DNAH6: variants seen among roughly 807,000 people sequenced by gnomAD.
The protein encoded by DNAH6 is axonemal beta dynein heavy chain 6.
In DNAH6, 340 loss-of-function variants were observed where a neutral mutation model predicts 491.4. The observed-to-expected ratio is 0.69, with a 90% confidence interval of 0.63 to 0.76. The LOEUF is 0.76. Ranked by LOEUF, DNAH6 falls within the 30% of genes least tolerant of loss-of-function variation. The probability of loss-of-function intolerance (pLI) is 0.00; values close to 1 mark genes in which losing one functional copy is unlikely to be tolerated. For missense variants in DNAH6, 4,443 were observed against 4,972.2 expected (o/e 0.89, Z 3.20); for synonymous variants, 1,603 against 1,686.1 (o/e 0.95, Z 1.21).
chr2:84,797,336 A>G (rs1268798624), intron 69 of DNAH6, among the ~76,000 whole-genome samples: 1 of 152,212 alleles, frequency 6.6e-6, no homozygotes. Context: ...TAGGACAGTA[A>G]TGAGATTCTC....
chr2:84,553,053 T>C lies in DNAH6; in HGVS notation c.1602+19T>C. 2.8e-6 allele frequency: 4 copies of C among 1,423,218 alleles called. No individual in the cohort carries two copies. Among genetic ancestry groups the C allele is most frequent in the Non-Finnish European group, 3.9e-6 (4 of 1,026,186 alleles). The allele number at this position is 1,423,218 out of a possible 1,614,324, so 88.2% of individuals were successfully genotyped here. A position where few individuals can be genotyped will look rare whatever the true frequency, so the allele number is the denominator to read the frequency against. ...CTTTCTGGTGTGTGTTTTTCATGTATTATCCACATGCAAGCACCTATTTGG... is the reference window on the plus strand; with the variant it reads ...CTTTCTGGTGTGTGTTTTTCATGTACTATCCACATGCAAGCACCTATTTGG... On this transcript the variant is annotated intron_variant, in intron 10 of 76. Transcript: ENST00000389394.
rs1689284168 is a variant in DNAH6 at position 84,640,476 on chromosome 2, G to T, written c.4868G>T (p.Arg1623Ile). 6.5e-7 allele frequency: 1 copy of T among 1,546,258 alleles called. No homozygotes were observed. Among genetic ancestry groups the T allele is most frequent in the African/African-American group, 1.4e-5 (1 of 72,880 alleles). ...EGFESSKILARKMTQMYKLCS... is the reference protein window; with the variant it reads ...EGFESSKILAIKMTQMYKLCS... ...TTTGAATCCAGTAAAATATTAGCAA[G>T]AAAAATGACTCAGATGTATAAGCTT... Residue 1623 changes from arginine to isoleucine, a missense_variant, in exon 32 of 77, where the codon AGA (arginine) becomes ATA (isoleucine). Coordinates refer to ENST00000389394, the MANE Select transcript of DNAH6 (RefSeq NM_001370.2).
At chr2:84,601,137 C>T (rs1685208151) in intron 18 of DNAH6, among the ~76,000 whole-genome samples, 1 of 147,874 alleles carries the variant, frequency 6.8e-6, no homozygotes, top group Admixed American at 6.6e-5. Context: ...CCTGGAGCAT[C>T]TTGAGGTGCT....
At chr2:84,595,945 C>T (rs1013576236) in intron 18 of DNAH6, among the ~76,000 whole-genome samples, 156 bp downstream of exon 18, 1 of 152,190 alleles carries the variant, frequency 6.6e-6, no homozygotes, top group Non-Finnish European at 1.5e-5. Flanking sequence ...GTGGCACAGA[C>T]TGCATTCCTG....
Position 84,599,179 on chromosome 2 carries a change from C to T in DNAH6, c.2868+3390C>T, listed in dbSNP as rs1453572634. 2.6e-5 allele frequency among the ~76,000 whole-genome samples: 4 copies of T among 151,918 alleles called. No individual in the cohort carries two copies. The East Asian group carries it at 7.7e-4, about 29-fold the overall frequency. Reference sequence around the variant, plus strand: ...TGCCCATTTTTAATTGGGTTGTTTGCTTGGTTATAATTGAGTTTTAAGAGT... The same window carrying T: ...TGCCCATTTTTAATTGGGTTGTTTGTTTGGTTATAATTGAGTTTTAAGAGT... On this transcript the variant is annotated intron_variant, in intron 18 of 76. Transcript: ENST00000389394.
chr2:84,493,008 A>G, the DNAH6 span, among the ~76,000 whole-genome samples: 5 of 151,994 alleles, frequency 3.3e-5, no homozygotes, highest in Non-Finnish European at 7.4e-5. Context: ...TATATTCTAT[A>G]TATTTTTCTA....
chr2:84,470,188 A>G, the DNAH6 span, among the ~76,000 whole-genome samples: 1 of 152,032 alleles, frequency 6.6e-6, no homozygotes, highest in Non-Finnish European at 1.5e-5. Flanking sequence ...CACTTACCCA[A>G]AGGTAGCCAT....
chr2:84,596,821 A>C (rs1426076545), intron 18 of DNAH6, among the ~76,000 whole-genome samples: 1 of 152,182 alleles, frequency 6.6e-6, no homozygotes, highest in Non-Finnish European at 1.5e-5. Flanking sequence ...TGTTTAGGTC[A>C]GCTTCTTTCT....
chr2:84,624,483 T>TTTGACTGG lies in DNAH6; in HGVS notation c.4217_4224dup (p.Gln1409LeufsTer13). ...CATATAGGTGGAGACAGTTGAATCT[T>TTTGACTGG]TTGACTGGCAGAGACAACTGCGCTA... On this transcript the variant is annotated frameshift_variant, in exon 28 of 77. Coordinates refer to ENST00000389394, the MANE Select transcript of DNAH6 (RefSeq NM_001370.2). LOFTEE classifies it high-confidence loss of function. The TTTGACTGG allele has an allele frequency of 6.4e-7, 1 of 1,551,934 alleles. No homozygotes were observed. Among genetic ancestry groups the TTTGACTGG allele is most frequent in the Non-Finnish European group, 8.7e-7 (1 of 1,146,998 alleles).
intron 76 of DNAH6, 98 bp from the exon 77 acceptor site, chr2:84,819,207 C>A (rs1680792871): frequency 2.5e-6 from 2 of 786,908 alleles, no homozygotes; most frequent in East Asian, 2.8e-5. Context: ...GCAAGTCAGG[C>A]CTGGAACCCA....
chr2:84,680,106 C>T (rs1335175459), intron 41 of DNAH6, among the ~76,000 whole-genome samples: 1 of 151,962 alleles, frequency 6.6e-6, no homozygotes, highest in African/African-American at 2.4e-5. Flanking sequence ...TGTTGGGGTC[C>T]CAGGAGGGGA....
At chr2:84,566,275 C>CTAGA (rs1343836045) in intron 11 of DNAH6, among the ~76,000 whole-genome samples, 1 of 151,982 alleles carries the variant, frequency 6.6e-6, no homozygotes, top group Non-Finnish European at 1.5e-5. Context: ...TCTCCAAAGA[C>CTAGA]TAGATATTCA....
chr2:84,781,591 G>T lies in DNAH6; in HGVS notation c.10802G>T (p.Cys3601Phe). ...KSGNWVFLQN[C>F]HLAVSWMLAM... ...GGAAACTGGGTATTTTTGCAAAATT[G>T]CCATCTTGCTGTTTCTTGGATGTTG... The change falls in exon 65 of 77, where the codon TGC becomes TTC. Residue 3601 changes from cysteine to phenylalanine, a missense_variant. By Grantham distance (205) the Cys-to-Phe change is radical. Transcript: ENST00000389394. 6.4e-7 allele frequency: 1 copy of T among 1,551,774 alleles called. No homozygotes were observed. The highest frequency in any genetic ancestry group is 8.7e-7 in the Non-Finnish European group (1 of 1,146,922).
chr2:84,686,681 A>G, intron 44 of DNAH6, 124 bp downstream of exon 44: 1 of 602,534 alleles, frequency 1.7e-6, no homozygotes, highest in Non-Finnish European at 2.8e-6. Flanking sequence ...GCCAGATGTC[A>G]GCAAACTATG....
chr2:84,688,582 A>G lies in DNAH6; in HGVS notation c.7281A>G (p.Glu2427=). Reference sequence around the variant, plus strand: ...TGGTGTTCTTCCAGGATGCTATAGAACATGTTTCAAGGTATAGTGCTATAA... The same window carrying G: ...TGGTGTTCTTCCAGGATGCTATAGAGCATGTTTCAAGGTATAGTGCTATAA... The part of the protein sequence containing the change: ...VKLVFFQDAI[E]HVSRIARMIR... Residue 2427 remains glutamate, a synonymous_variant, in exon 45 of 77, where the codon GAA becomes GAG. Coordinates refer to ENST00000389394, the MANE Select transcript of DNAH6 (RefSeq NM_001370.2). 6.5e-7 allele frequency: 1 copy of G among 1,540,796 alleles called. No homozygotes were observed. Among genetic ancestry groups the G allele is most frequent in the Non-Finnish European group, 8.7e-7 (1 of 1,144,624 alleles).
chr2:84,714,031 C>A (rs1480198039), intron 57 of DNAH6, among the ~76,000 whole-genome samples: 2 of 152,162 alleles, frequency 1.3e-5, no homozygotes, highest in Admixed American at 1.3e-4. Flanking sequence ...TCCATTGCCC[C>A]TCCCACCAAG....
At chr2:84,601,300 A>G (rs1236008682) in intron 18 of DNAH6, among the ~76,000 whole-genome samples, 2 of 152,064 alleles carry the variant, frequency 1.3e-5, no homozygotes, top group African/African-American at 4.8e-5. Flanking sequence ...ATGAATTCAT[A>G]CTGATATAAA....
rs1196144123 is a variant in DNAH6 at position 84,787,265 on chromosome 2, A to G, written c.11202A>G (p.Glu3734=). ...ALLNLKLYCK[E]GKIPWDALIY... is the part of the protein sequence containing the mutation. ...TGAATCTCAAACTCTATTGTAAAGA[A>G]GGAAAGATTCCCTGGGATGCACTAA... is the stretch of plus-strand genomic sequence containing the variant. Residue 3734 remains glutamate, a synonymous_variant, in exon 68 of 77, where the codon GAA becomes GAG. Coordinates refer to ENST00000389394, the MANE Select transcript of DNAH6 (RefSeq NM_001370.2). 2 of 1,548,804 alleles carry G rather than the reference A, an allele frequency of 1.3e-6. No individual in the cohort carries two copies. The highest frequency in any genetic ancestry group is 2.7e-5 in the African/African-American group (2 of 72,908).
chr2:84,549,893 A>C lies in DNAH6; in HGVS notation c.1321A>C (p.Ile441Leu), dbSNP rs1277454467. The change falls in exon 9 of 77, where the codon ATT becomes CTT. Residue 441 changes from isoleucine (I) to leucine (L), a missense_variant. Physicochemically the swap from Ile to Leu is conservative, Grantham distance 5. This residue lies in a region of DNAH6 where 2,977 missense variants were observed against 3,296.6 expected (regional missense o/e 0.90). Transcript: ENST00000389394. Reference protein sequence around the residue: ...RHYCMRLTCFIRLNDYLIENT... With the variant: ...RHYCMRLTCFLRLNDYLIENT... ...TTAGTTTTTTTTCTTTTCAAGCTTT[A>C]TTCGTCTAAACGACTATCTAATTGA... The C allele has an allele frequency of 6.3e-7, 1 of 1,586,388 alleles. No individual in the cohort carries two copies. The highest frequency in any genetic ancestry group is 1.4e-5 in the African/African-American group (1 of 73,888).
Sources: allele counts gnomAD v4.1 joint callset (sites outside exome capture counted in the v4.1 genomes callset), GRCh38; gene constraint gnomAD v4.1.1; regional missense constraint gnomAD v4.1.1; transcripts MANE v1.5; gene names NCBI Gene and HGNC (gene_info 2026-07-23, HGNC 2026-07-21).